WWOX: variants seen among roughly 807,000 people sequenced by gnomAD.
WWOX encodes WW domain-containing oxidoreductase.
WWOX carries 69 observed loss-of-function variants against 46.2 expected under a neutral mutation model. That is an observed-to-expected ratio of 1.49 (90% CI 1.23 to 1.82). The LOEUF is 1.82. Among genes scored for constraint, WWOX ranks in the 40% most tolerant of loss-of-function variants. WWOX has a pLI of 0.00. For missense variants in WWOX, 919 were observed against 542.6 expected (o/e 1.69, Z -6.89); for synonymous variants, 359 against 202.6 (o/e 1.77, Z -6.56).
intron 8 of WWOX, among the ~76,000 whole-genome samples, chr16:78,834,316 T>G (rs952350041): frequency 1.3e-5 from 2 of 152,212 alleles, no homozygotes; most frequent in South Asian, 4.1e-4. Context: ...CTGCAGAATA[T>G]TTAAATAAGG....
At chr16:79,184,024 C>T (rs1482440792) in intron 8 of WWOX, among the ~76,000 whole-genome samples, 2 of 152,204 alleles carry the variant, frequency 1.3e-5, no homozygotes, top group African/African-American at 2.4e-5. Context: ...CTTTATAACT[C>T]TCCTTTATTA....
At chr16:78,366,054 C>T (rs1320139537) in intron 5 of WWOX, among the ~76,000 whole-genome samples, 1 of 152,090 alleles carries the variant, frequency 6.6e-6, no homozygotes, top group Non-Finnish European at 1.5e-5. Context: ...CATCTTTCGG[C>T]CCATTGGAAA....
intron 8 of WWOX, among the ~76,000 whole-genome samples, chr16:79,050,352 T>C: frequency 6.6e-6 from 1 of 152,192 alleles, no homozygotes; most frequent in East Asian, 1.9e-4. Flanking sequence ...CCTCCACATG[T>C]CTCTCATCTT....
At chr16:79,141,265 G>A (rs533594189) in intron 8 of WWOX, among the ~76,000 whole-genome samples, 2 of 152,294 alleles carry the variant, frequency 1.3e-5, no homozygotes, top group South Asian at 2.1e-4. Context: ...GCTCTGAGTT[G>A]TCCCACCTTT....
chr16:78,490,982 G>A (rs1300597533), intron 8 of WWOX, among the ~76,000 whole-genome samples: 4 of 152,248 alleles, frequency 2.6e-5, no homozygotes, highest in East Asian at 3.9e-4. Context: ...AGCTGCCCCC[G>A]AGTGACCGCT....
chr16:78,349,201 T>A (rs8062759), intron 5 of WWOX, among the ~76,000 whole-genome samples: 60,459 of 118,382 alleles, frequency 0.51, 23,714 homozygotes, highest in African/African-American at 0.65. Flanking sequence ...ATCCCTGGTT[T>A]CTTTTCCTGT....
intron 8 of WWOX, among the ~76,000 whole-genome samples, chr16:79,161,272 T>G (rs2150749980): frequency 6.6e-6 from 1 of 152,282 alleles, no homozygotes. Flanking sequence ...TTTTCCCAGC[T>G]AAATGACCTT....
intron 8 of WWOX, among the ~76,000 whole-genome samples, chr16:78,842,575 C>T (rs940116981): frequency 6.6e-6 from 1 of 152,094 alleles, no homozygotes; most frequent in South Asian, 2.1e-4. Flanking sequence ...ACATAGAATA[C>T]AAGAGGAGTT....
rs536736316 is a variant in WWOX, at chr16:79,194,846, C to T, written c.1057-16762C>T. On this transcript the variant is annotated intron_variant, in intron 8 of 8. Coordinates refer to ENST00000566780, the MANE Select transcript of WWOX (RefSeq NM_016373.4). The stretch of plus-strand genomic sequence containing the variant: ...ATACAAAAACGCCTAACTGAATCTA[C>T]CACGTCTAAGCAGATGCTCCCAGAG... Among the ~76,000 whole-genome samples the T allele has an allele frequency of 2.6e-5, 4 of 152,268 alleles. No homozygotes were observed. The South Asian group carries it at 8.3e-4, about 32-fold the overall frequency.
chr16:79,095,567 A>C (rs1322226594), intron 8 of WWOX, among the ~76,000 whole-genome samples: 1 of 152,126 alleles, frequency 6.6e-6, no homozygotes, highest in Non-Finnish European at 1.5e-5. Context: ...ACATTGCATA[A>C]ATAATAAAAC....
intron 8 of WWOX, among the ~76,000 whole-genome samples, chr16:78,665,018 G>A (rs2047298623): frequency 6.6e-6 from 1 of 152,212 alleles, no homozygotes; most frequent in Non-Finnish European, 1.5e-5. Flanking sequence ...TGCAGCGGCT[G>A]CATTCATCAG....
intron 5 of WWOX, among the ~76,000 whole-genome samples, chr16:78,263,889 G>C (rs1409607357): frequency 6.6e-6 from 1 of 151,860 alleles, no homozygotes; most frequent in Non-Finnish European, 1.5e-5. Context: ...AGGCTGGCCA[G>C]TGTGGAAGCA....
At chr16:78,505,261 C>T (rs149846511) in intron 8 of WWOX, among the ~76,000 whole-genome samples, 1 of 152,122 alleles carries the variant, frequency 6.6e-6, no homozygotes, top group Non-Finnish European at 1.5e-5. Context: ...GAATATTGTT[C>T]TTTTCTGTTT....
chr16:78,761,686 C>T (rs1020262851), intron 8 of WWOX, among the ~76,000 whole-genome samples: 1 of 152,164 alleles, frequency 6.6e-6, no homozygotes, highest in Non-Finnish European at 1.5e-5. Context: ...ACACTTAATA[C>T]CTCCTTGGCT....
intron 4 of WWOX, among the ~76,000 whole-genome samples, chr16:78,137,648 A>T (rs1169463368): frequency 1.3e-5 from 2 of 152,176 alleles, no homozygotes; most frequent in East Asian, 3.9e-4. Context: ...AACAGGGAAA[A>T]AGGGTTTGCT....
chr16:78,877,409 C>T (rs1415090780), intron 8 of WWOX, among the ~76,000 whole-genome samples: 2 of 152,100 alleles, frequency 1.3e-5, no homozygotes, highest in South Asian at 2.1e-4. Context: ...GCTGCTCCTT[C>T]TGCCTGGAGT....
intron 8 of WWOX, among the ~76,000 whole-genome samples, chr16:79,103,377 T>G (rs2049242023): frequency 6.6e-6 from 1 of 152,202 alleles, no homozygotes; most frequent in African/African-American, 2.4e-5. Context: ...TAAGGAAAAA[T>G]GCTTAGAGTG....
chr16:78,482,573 C>G (rs1032800081), intron 8 of WWOX, among the ~76,000 whole-genome samples: 2 of 152,196 alleles, frequency 1.3e-5, no homozygotes, highest in Non-Finnish European at 1.5e-5. Context: ...TGAATACTTA[C>G]TGGGCCCTGT....
intron 5 of WWOX, among the ~76,000 whole-genome samples, chr16:78,176,821 A>T (rs2035362848): frequency 6.6e-6 from 1 of 152,208 alleles, no homozygotes; most frequent in Non-Finnish European, 1.5e-5. Context: ...AATAAAAAGG[A>T]AGGGGCAGGA....
Sources: gnomAD v4.1 joint callset for allele counts (sites outside exome capture counted in the v4.1 genomes callset) on GRCh38, gnomAD v4.1.1 for gene constraint, MANE v1.5 for transcripts, NCBI Gene and HGNC (gene_info 2026-07-23, HGNC 2026-07-21) for gene names.